Variants in PTPRD observed in about 807,000 individuals in gnomAD.
PTPRD encodes the protein receptor-type tyrosine-protein phosphatase delta.
A neutral mutation model predicts 214.5 loss-of-function variants in PTPRD; 34 were observed. The observed-to-expected ratio is 0.16, with a 90% confidence interval of 0.12 to 0.21. The LOEUF (loss-of-function observed/expected upper bound fraction) is 0.21, where lower values mean the gene tolerates loss of function less well. Ranked by LOEUF, PTPRD falls within the 10% of genes least tolerant of loss-of-function variation. The probability of loss-of-function intolerance (pLI) is 1.00; values close to 1 mark genes in which losing one functional copy is unlikely to be tolerated. For missense variants in PTPRD, 2,545 were observed against 2,398.7 expected, an observed-to-expected ratio of 1.06 and a Z score of -1.27; for synonymous variants, 1,128 against 845.7, an observed-to-expected ratio of 1.33 and a Z score of -5.79.
intron 3 of PTPRD, among the ~76,000 whole-genome samples, chr9:10,245,087 G>A (rs1224756276): frequency 6.6e-6 from 1 of 152,032 alleles, no homozygotes; most frequent in Non-Finnish European, 1.5e-5. Flanking sequence ...CATAAAGTTT[G>A]ACATTTTACA....
chr9:10,219,212 C>T (rs1156356739), intron 3 of PTPRD, among the ~76,000 whole-genome samples: 1 of 151,768 alleles, frequency 6.6e-6, no homozygotes, highest in Non-Finnish European at 1.5e-5. Context: ...TCCAATAAAT[C>T]AAACCCTCAA....
intron 3 of PTPRD, among the ~76,000 whole-genome samples, chr9:10,148,326 T>C (rs112914028): frequency 1.1e-3 from 170 of 152,348 alleles, no homozygotes; most frequent in African/African-American, 3.9e-3. Context: ...TTTATTCAAC[T>C]GATAATTTTT....
chr9:8,702,391 T>C (rs1466519858), intron 12 of PTPRD, among the ~76,000 whole-genome samples: 2 of 152,160 alleles, frequency 1.3e-5, no homozygotes, highest in Non-Finnish European at 2.9e-5. Context: ...ATCAGCATAG[T>C]TGAGGTTCAT....
chr9:9,435,507 C>A (rs991118349), intron 8 of PTPRD, among the ~76,000 whole-genome samples: 3 of 152,076 alleles, frequency 2.0e-5, no homozygotes, highest in Non-Finnish European at 2.9e-5. Flanking sequence ...CAGAGCAAGA[C>A]CCTGCCTTTT....
intron 10 of PTPRD, among the ~76,000 whole-genome samples, chr9:9,059,082 T>C (rs76026166): frequency 6.6e-6 from 1 of 151,960 alleles, no homozygotes; most frequent in South Asian, 2.1e-4. Flanking sequence ...AACTGAAAGT[T>C]TGGAACAGAG....
intron 9 of PTPRD, among the ~76,000 whole-genome samples, chr9:9,253,202 G>A (rs1320692412): frequency 1.3e-5 from 2 of 151,980 alleles, no homozygotes; most frequent in Non-Finnish European, 2.9e-5. Context: ...ACATCCCAGT[G>A]TAAATGTTTT....
chr9:9,453,445 G>A (rs1018693874), intron 8 of PTPRD, among the ~76,000 whole-genome samples: 7 of 151,456 alleles, frequency 4.6e-5, no homozygotes, highest in African/African-American at 1.5e-4. Flanking sequence ...CCATTTTATT[G>A]TTGAAAGCAC....
At chr9:10,128,852 G>A (rs1563995645) in intron 3 of PTPRD, among the ~76,000 whole-genome samples, 1 of 152,046 alleles carries the variant, frequency 6.6e-6, no homozygotes. Flanking sequence ...GATATTACAT[G>A]TGACTTTATT....
At chr9:9,451,177 C>T (rs1230783181) in intron 8 of PTPRD, among the ~76,000 whole-genome samples, 2 of 151,586 alleles carry the variant, frequency 1.3e-5, no homozygotes, top group African/African-American at 4.8e-5. Flanking sequence ...GTGCAATACA[C>T]AGAAGGAAAA....
intron 14 of PTPRD, among the ~76,000 whole-genome samples, chr9:8,541,411 T>C (rs1393426906): frequency 6.6e-6 from 1 of 152,130 alleles, no homozygotes; most frequent in African/African-American, 2.4e-5. Flanking sequence ...TTTTTATTTT[T>C]CATAGAGATG....
intron 3 of PTPRD, among the ~76,000 whole-genome samples, chr9:10,178,938 G>C (rs2099265609): frequency 1.3e-5 from 2 of 151,784 alleles, no homozygotes; most frequent in African/African-American, 2.4e-5. Flanking sequence ...AATAAATACA[G>C]GTGAGGAAAT....
At chr9:9,951,355 G>C (rs73402696) in intron 4 of PTPRD, among the ~76,000 whole-genome samples, 22,547 of 152,136 alleles carry the variant, frequency 0.15, 3,274 homozygotes, top group African/African-American at 0.37. Context: ...ATTAGACCTA[G>C]GTTTTAATTA....
At chr9:9,924,361 T>C (rs1158624168) in intron 5 of PTPRD, among the ~76,000 whole-genome samples, 4 of 152,056 alleles carry the variant, frequency 2.6e-5, no homozygotes, top group Admixed American at 6.6e-5. Context: ...GACTATAGCA[T>C]AGAGAAGTGT....
At chr9:9,456,617 C>G (rs1373573739) in intron 8 of PTPRD, among the ~76,000 whole-genome samples, 1 of 151,850 alleles carries the variant, frequency 6.6e-6, no homozygotes, top group Non-Finnish European at 1.5e-5. Flanking sequence ...CACCTCTAAA[C>G]TTTAATAAGT....
At chr9:10,258,471 T>A (rs2093450755) in intron 3 of PTPRD, among the ~76,000 whole-genome samples, 1 of 152,176 alleles carries the variant, frequency 6.6e-6, no homozygotes, top group Admixed American at 6.5e-5. Context: ...TAATAATGTG[T>A]TTAGATCATA....
rs544786752 is a variant in PTPRD at position 8,434,751 on chromosome 9, G to C, written c.4086+1841C>G. 5.3e-5 allele frequency among the ~76,000 whole-genome samples: 8 copies of C among 152,268 alleles called. No homozygotes were observed. The East Asian group carries it at 1.5e-3, about 29-fold the overall frequency. ...GAAAGATTTCTGGTTCATAAAAATT[G>C]ACATAACTAAGAGTTTTTTATGGTG... On this transcript the variant is annotated intron_variant, in intron 35 of 45. Transcript: ENST00000381196.
chr9:8,798,315 C>T (rs1018164811), intron 11 of PTPRD, among the ~76,000 whole-genome samples: 4 of 152,040 alleles, frequency 2.6e-5, no homozygotes, highest in Non-Finnish European at 5.9e-5. Context: ...AAGAAATAAT[C>T]AAGATAATCA....
chr9:9,665,896 T>C (rs1028809775), intron 7 of PTPRD, among the ~76,000 whole-genome samples: 1 of 151,926 alleles, frequency 6.6e-6, no homozygotes, highest in African/African-American at 2.4e-5. Context: ...ATATTTCAAA[T>C]GTTTATTTTT....
At chr9:9,992,557 C>G (rs1261632831) in intron 4 of PTPRD, among the ~76,000 whole-genome samples, 1 of 152,130 alleles carries the variant, frequency 6.6e-6, no homozygotes, top group African/African-American at 2.4e-5. Flanking sequence ...ACCCAAATGT[C>G]CATCAATGAT....
Sources: allele counts gnomAD v4.1 joint callset (sites outside exome capture counted in the v4.1 genomes callset), GRCh38; gene constraint gnomAD v4.1.1; transcripts MANE v1.5; gene names NCBI Gene and HGNC (gene_info 2026-07-23, HGNC 2026-07-21).